LINGO2: variants seen among roughly 807,000 people sequenced by gnomAD.
LINGO2 encodes the protein leucine-rich repeat and immunoglobulin-like domain-containing nogo receptor-interacting protein 2.
LINGO2 carries 14 observed loss-of-function variants against 30.6 expected under a neutral mutation model. The ratio of observed to expected loss-of-function variants is 0.46; its 90% CI spans 0.30 to 0.72. The LOEUF is 0.72. Among genes scored for constraint, LINGO2 ranks in the 30% least tolerant of loss-of-function variants. LINGO2 has a pLI of 0.07. For synonymous variants in LINGO2, 317 were observed against 288.5 expected (o/e 1.10, Z -1.00); for missense variants, 729 against 751.7 (o/e 0.97, Z 0.35).
At chr9:28,028,308 C>A (rs537658940) in intron 4 of LINGO2, among the ~76,000 whole-genome samples, 1 of 152,228 alleles carries the variant, frequency 6.6e-6, no homozygotes, top group Non-Finnish European at 1.5e-5. Context: ...CATATAAAAT[C>A]TTTATTTCAT....
intron 3 of LINGO2, among the ~76,000 whole-genome samples, chr9:28,367,763 C>T (rs1044171949): frequency 1.4e-4 from 22 of 152,070 alleles, no homozygotes; most frequent in Non-Finnish European, 2.8e-4. Flanking sequence ...CCCTTTTAAT[C>T]TGAAAATAAT....
the LINGO2 span, among the ~76,000 whole-genome samples, chr9:28,884,919 CTATATATAATATTATATATAA>C: frequency 1.2e-4 from 2 of 16,990 alleles, no homozygotes; most frequent in African/African-American, 3.1e-4. Flanking sequence ...TATTTAGATA[CTATATATAATATTATATATAA>C]TATATATAAT....
In LINGO2 at chr9:28,261,079, C is replaced by T. The variant is rs186050788; in HGVS notation, c.-87+34129G>A. The stretch of plus-strand genomic sequence containing the variant: ...CCTTAATTGCCATTATTTTTTACTG[C>T]TTAATTACTGTGTAGTTCTGGAACT... On this transcript the variant is annotated intron_variant, in intron 4 of 5. Coordinates refer to ENST00000379992, the Ensembl canonical transcript of LINGO2. 1.9e-3 allele frequency among the ~76,000 whole-genome samples: 291 copies of T among 151,950 alleles called. 1 individual carries two copies. The highest frequency in any genetic ancestry group is 6.5e-3 in the African/African-American group (269 of 41,486).
At chr9:29,126,886 A>G in the LINGO2 span, among the ~76,000 whole-genome samples, 1 of 152,064 alleles carries the variant, frequency 6.6e-6, no homozygotes, top group Non-Finnish European at 1.5e-5. Flanking sequence ...TAACAAAATG[A>G]TCAGAGGCTA....
rs938061295 is a variant in LINGO2 at position 27,957,768 on chromosome 9, G to A, written c.-35-7062C>T. ...ATTTTCTGTGATATTGACAAAAAAT[G>A]TGTTGATTAAATTAATAAATCTATG... On this transcript the variant is annotated intron_variant, in intron 5 of 5. Transcript: ENST00000379992. Among the ~76,000 whole-genome samples, 174 of 152,106 alleles carry A rather than the reference G, an allele frequency of 1.1e-3. 3 individuals are homozygous for A. The highest frequency in any genetic ancestry group is 1.9e-4 in the Non-Finnish European group (13 of 68,022).
intron 2 of LINGO2, among the ~76,000 whole-genome samples, chr9:28,384,741 G>A (rs781383857): frequency 1.3e-5 from 2 of 151,720 alleles, no homozygotes; most frequent in Non-Finnish European, 2.9e-5. Flanking sequence ...CATCCCCTAA[G>A]ATTTTAAACA....
At chr9:29,032,659 C>CACAT in the LINGO2 span, among the ~76,000 whole-genome samples, 3 of 151,960 alleles carry the variant, frequency 2.0e-5, no homozygotes, top group Non-Finnish European at 4.4e-5. Flanking sequence ...GCATTTATAC[C>CACAT]ACATAGTTCA....
chr9:27,993,700 T>C (rs1821510491), intron 5 of LINGO2, among the ~76,000 whole-genome samples: 1 of 152,180 alleles, frequency 6.6e-6, no homozygotes, highest in South Asian at 2.1e-4. Flanking sequence ...AATATTTGTG[T>C]GCTAGTCTTC....
intron 2 of LINGO2, among the ~76,000 whole-genome samples, chr9:28,453,994 G>T (rs1564208920): frequency 6.6e-6 from 1 of 151,984 alleles, no homozygotes; most frequent in Non-Finnish European, 1.5e-5. Context: ...GGTGAAATGA[G>T]AAGTCCGAAA....
At chr9:28,599,270 A>C (rs1195282683) in intron 1 of LINGO2, 1 of 152,194 alleles carries the variant, frequency 6.6e-6, no homozygotes, top group Non-Finnish European at 1.5e-5. Context: ...TATCTTACCT[A>C]AGTGATTTCC....
chr9:28,618,313 C>A (rs1275844983), intron 1 of LINGO2, among the ~76,000 whole-genome samples: 1 of 152,058 alleles, frequency 6.6e-6, no homozygotes, highest in Non-Finnish European at 1.5e-5. Context: ...TTTTATTTTT[C>A]TCTTTTACTC....
At chr9:27,947,860 T>A (rs930533524), downstream of LINGO2, among the ~76,000 whole-genome samples, 1 of 152,226 alleles carries the variant, frequency 6.6e-6, no homozygotes, top group African/African-American at 2.4e-5. Context: ...TATGGTTATT[T>A]GTAACCATTA....
At chr9:28,808,701 T>A in the LINGO2 span, among the ~76,000 whole-genome samples, 87 of 152,334 alleles carry the variant, frequency 5.7e-4, no homozygotes, top group African/African-American at 2.0e-3. Flanking sequence ...TTTTTAGCAA[T>A]AATGACCAGA....
intron 1 of LINGO2, among the ~76,000 whole-genome samples, chr9:28,555,992 A>G (rs527500063): frequency 1.1e-4 from 16 of 152,238 alleles, no homozygotes; most frequent in Admixed American, 6.5e-5. Context: ...GATGGGACAT[A>G]TTTCAAAATA....
chr9:28,903,222 C>T, the LINGO2 span, among the ~76,000 whole-genome samples: 1 of 151,878 alleles, frequency 6.6e-6, no homozygotes. Flanking sequence ...TACAAAGAAT[C>T]ATAAGAGACT....
At chr9:28,339,505 C>G (rs958312049) in intron 3 of LINGO2, among the ~76,000 whole-genome samples, 12 of 152,058 alleles carry the variant, frequency 7.9e-5, no homozygotes, top group Non-Finnish European at 2.9e-5. Context: ...AGTGAGTGTT[C>G]AGAGTTGCCT....
At chr9:28,668,574 T>C (rs959253107) in intron 1 of LINGO2, among the ~76,000 whole-genome samples, 1 of 151,890 alleles carries the variant, frequency 6.6e-6, no homozygotes, top group Non-Finnish European at 1.5e-5. Flanking sequence ...AACTATACGC[T>C]CTGAAAGTAC....
intron 2 of LINGO2, among the ~76,000 whole-genome samples, chr9:28,376,190 G>T (rs572606606): frequency 6.6e-6 from 1 of 151,652 alleles, no homozygotes; most frequent in African/African-American, 2.4e-5. Context: ...TACCCCATAA[G>T]GTAGGCCACA....
At chr9:28,628,285 C>G (rs889074231) in intron 1 of LINGO2, among the ~76,000 whole-genome samples, 1 of 151,982 alleles carries the variant, frequency 6.6e-6, no homozygotes, top group Non-Finnish European at 1.5e-5. Flanking sequence ...TATAATATAT[C>G]TTTGAAGACA....
Sources: gnomAD v4.1 joint callset for allele counts (sites outside exome capture counted in the v4.1 genomes callset) on GRCh38, gnomAD v4.1.1 for gene constraint, MANE v1.5 for transcripts, NCBI Gene and HGNC (gene_info 2026-07-23, HGNC 2026-07-21) for gene names.